The following MDN1 variants were observed in gnomAD, a reference collection of about 807,000 sequenced individuals.
MDN1 encodes the protein midasin AAA ATPase 1.
MDN1 carries 266 observed loss-of-function variants against 669.2 expected under a neutral mutation model. The observed-to-expected ratio is 0.40, with a 90% CI of 0.36 to 0.44. The LOEUF (loss-of-function observed/expected upper bound fraction) is 0.44. MDN1 is among the 20% of genes least tolerant of loss of function. MDN1 has a pLI of 1.00. For missense variants in MDN1, 5,940 were observed against 6,754.0 expected (o/e 0.88, Z 4.22); for synonymous variants, 2,385 against 2,457.1 (o/e 0.97, Z 0.87).
Position 89,718,552 on chromosome 6 carries a change from G to A in MDN1, c.6397C>T (p.Leu2133Phe). The change falls in exon 43 of 102, where the codon CTC (leucine) becomes TTC (phenylalanine). Residue 2133 changes from leucine (L) to phenylalanine (F), a missense_variant. Leu to Phe is a conservative substitution (Grantham distance 22, BLOSUM62 0). Around this residue, in one of 5 missense-constraint regions of MDN1, gnomAD observed 2,292 missense variants for 2,638.3 expected, o/e 0.87. Coordinates refer to ENST00000369393, the MANE Select transcript of MDN1 (RefSeq NM_014611.3). Reference sequence around the variant, plus strand: ...TCTGCATCATCAGCACTGATAAGGAGGCTATCCCTTAACAGTGCCCTTACA... The same window carrying A: ...TCTGCATCATCAGCACTGATAAGGAAGCTATCCCTTAACAGTGCCCTTACA... ...GTVRALLRDSLLISADDAEVV... is the reference protein window; with the variant it reads ...GTVRALLRDSFLISADDAEVV... 1.2e-6 allele frequency: 2 copies of A among 1,614,144 alleles called. No individual in the cohort carries two copies. The highest frequency in any genetic ancestry group is 8.5e-7 in the Non-Finnish European group (1 of 1,180,014).
At chr6:89,795,506 A>C (rs1380402825) in intron 2 of MDN1, among the ~76,000 whole-genome samples, 1 of 152,092 alleles carries the variant, frequency 6.6e-6, no homozygotes, top group African/African-American at 2.4e-5. Flanking sequence ...AAGCTGGAAG[A>C]TCATTTGCCA....
At chr6:89,667,469 C>A (rs1810337396) in intron 84 of MDN1, among the ~76,000 whole-genome samples, 1 of 152,120 alleles carries the variant, frequency 6.6e-6, no homozygotes, top group Admixed American at 6.5e-5. Context: ...ATAAGTGATA[C>A]ACCCAATACA....
At chr6:89,651,324 C>CAAAAAA (rs57142164) in intron 95 of MDN1, among the ~76,000 whole-genome samples, 14 of 94,622 alleles carry the variant, frequency 1.5e-4, no homozygotes, top group Non-Finnish European at 1.8e-4. Flanking sequence ...GATTCCGTCT[C>CAAAAAA]AAAAAAAAAA....
intron 31 of MDN1, among the ~76,000 whole-genome samples, chr6:89,741,785 A>G (rs1385795734): frequency 1.3e-5 from 2 of 152,116 alleles, no homozygotes; most frequent in African/African-American, 4.8e-5. Context: ...TCCCAACAGC[A>G]TTCCCCATTC....
At position 89,692,524 on chromosome 6, in the gene MDN1, A is replaced by T; in HGVS notation, c.10506T>A (p.Ala3502=). The change falls in exon 63 of 102, where the codon GCT becomes GCA. Residue 3502 remains alanine (A), a synonymous_variant. Transcript: ENST00000369393. ...CPTREQLLMN[A]LLYLRSHVLC... ...ACACGTGGGAGCGCAGGTAAAGGAG[A>T]GCATTCATCAGCAGCTGCTCCCGAG... The T allele has an allele frequency of 6.2e-7, 1 of 1,614,178 alleles. No individual in the cohort carries two copies. The highest frequency in any genetic ancestry group is 8.5e-7 in the Non-Finnish European group (1 of 1,180,032).
intron 8 of MDN1, 70 bp from the exon 9 acceptor site, chr6:89,785,196 A>G (rs1818894079): frequency 2.0e-6 from 2 of 1,014,326 alleles, no homozygotes; most frequent in Non-Finnish European, 1.6e-6. Context: ...GCCTCTGGAT[A>G]TTACTTGCTG....
chr6:89,744,321 C>T (rs944050472), intron 29 of MDN1, among the ~76,000 whole-genome samples: 2 of 152,152 alleles, frequency 1.3e-5, no homozygotes, highest in Non-Finnish European at 2.9e-5. Flanking sequence ...TGGCTCATGC[C>T]TGTAATCCCA....
intron 13 of MDN1, among the ~76,000 whole-genome samples, chr6:89,774,369 A>G (rs1001263629): frequency 1.3e-5 from 2 of 152,222 alleles, no homozygotes; most frequent in African/African-American, 2.4e-5. Context: ...CACTAAATAC[A>G]CTGCAGTGAA....
At position 89,680,702 on chromosome 6, in the gene MDN1, C is replaced by T; in HGVS notation, c.12152G>A (p.Gly4051Glu). Residue 4051 changes from glycine (G) to glutamate (E), a missense_variant, in exon 74 of 102, where the codon GGG becomes GAG. Coordinates refer to ENST00000369393, the MANE Select transcript of MDN1 (RefSeq NM_014611.3). ...CQGAAPSGLEGELLRRLPKLR... is the reference protein window; with the variant it reads ...CQGAAPSGLEEELLRRLPKLR... ...CTTTGGCAAGCGACGCAGAAGCTCC[C>T]CTTCCAAGCCGGAAGGAGCAGCGCC... 4.3e-6 allele frequency: 7 copies of T among 1,614,128 alleles called. No homozygotes were observed. Among genetic ancestry groups the T allele is most frequent in the Non-Finnish European group, 5.9e-6 (7 of 1,180,032 alleles).
intron 84 of MDN1, 138 bp from the exon 85 acceptor site, chr6:89,664,766 A>C (rs890448212): frequency 1.4e-5 from 9 of 637,756 alleles, no homozygotes; most frequent in African/African-American, 1.1e-4. Flanking sequence ...AGAGACAGCC[A>C]CATGGAATTT....
At chr6:89,768,321 TA>T (rs1458622553) in intron 15 of MDN1, among the ~76,000 whole-genome samples, 1 of 152,080 alleles carries the variant, frequency 6.6e-6, no homozygotes, top group Non-Finnish European at 1.5e-5. Flanking sequence ...TGATAGTGAA[TA>T]AGTCTCATGA....
intron 1 of MDN1, among the ~76,000 whole-genome samples, chr6:89,809,922 T>C (rs1011049398): frequency 6.7e-5 from 9 of 133,712 alleles, no homozygotes; most frequent in Non-Finnish European, 1.2e-4. Flanking sequence ...GCCTGGAAGG[T>C]AGAGGCTGCA....
chr6:89,807,822 G>A (rs1005764636), intron 1 of MDN1, among the ~76,000 whole-genome samples: 3 of 151,964 alleles, frequency 2.0e-5, no homozygotes, highest in African/African-American at 2.4e-5. Context: ...TTCAATGTTC[G>A]TTTCTTGTGA....
rs575892294 is a variant in MDN1, at chr6:89,658,993, T to C, written c.14714-76A>G. The C allele has an allele frequency of 2.8e-5, 39 of 1,387,950 alleles. 1 individual carries two copies. The South Asian group carries it at 4.1e-4, about 14-fold the overall frequency. 86.0% of individuals were successfully genotyped at this position (1,387,950 alleles called of 1,614,324 possible). Reference sequence around the variant, plus strand: ...GATTTCTTAAGCTGGGAGCTACTTATGCAAGTTTTGTCTTATTACAATTCT... The same window carrying C: ...GATTTCTTAAGCTGGGAGCTACTTACGCAAGTTTTGTCTTATTACAATTCT... On this transcript the variant is annotated intron_variant, in intron 88 of 101. Transcript: ENST00000369393.
intron 15 of MDN1, among the ~76,000 whole-genome samples, chr6:89,769,731 G>A (rs1817986969): frequency 6.6e-6 from 1 of 152,154 alleles, no homozygotes; most frequent in South Asian, 2.1e-4. Context: ...CATACTTTGA[G>A]TCCAACCTTT....
rs781003638 is a variant in MDN1, at chr6:89,662,148, T to C, written c.14504A>G (p.Glu4835Gly). 6.8e-6 allele frequency: 11 copies of C among 1,614,078 alleles called. No homozygotes were observed. In the South Asian group the frequency reaches 9.9e-5, roughly 15 times the overall value. ...TCCACCATCATCAGCTTCTGCTTCT[T>C]CCTTTTCTTCCTTCTTATCTTGCTG... ...KSQQDKKEEK[E>G]EAEADDGGQG... The change falls in exon 87 of 102, where the codon GAA becomes GGA. Residue 4835 changes from glutamate to glycine, a missense_variant. Glu to Gly is a moderately conservative substitution (Grantham distance 98, BLOSUM62 -2). This residue lies in a region of MDN1 where 2,280 missense variants were observed against 2,576.3 expected (regional missense o/e 0.88). Coordinates refer to ENST00000369393, the MANE Select transcript of MDN1 (RefSeq NM_014611.3).
rs1808304377 is a variant in MDN1 at position 89,643,769 on chromosome 6, G to A, written c.*236C>T. On this transcript the variant is annotated 3_prime_UTR_variant, in exon 102 of 102. Coordinates refer to ENST00000369393, the MANE Select transcript of MDN1 (RefSeq NM_014611.3). ...CCAGGGCTTCCAAGGCAGGGAAGAA[G>A]GATAACTCTTCTCTAGTTACGAGTT... The A allele has an allele frequency of 2.5e-6, 1 of 396,648 alleles. No homozygotes were observed. Among genetic ancestry groups the A allele is most frequent in the African/African-American group, 2.1e-5 (1 of 48,616 alleles). 24.6% of individuals were successfully genotyped at this position (396,648 alleles called of 1,614,324 possible). A position where few individuals can be genotyped will look rare whatever the true frequency, so the allele number is the denominator to read the frequency against.
At chr6:89,741,693 A>C (rs1203816546) in intron 31 of MDN1, among the ~76,000 whole-genome samples, 1 of 152,202 alleles carries the variant, frequency 6.6e-6, no homozygotes. Flanking sequence ...ACCCATACCA[A>C]GAAGTGGCTC....
rs76489362 is a variant in MDN1, at chr6:89,790,398, C to T, written c.859G>A (p.Gly287Ser). Residue 287 changes from glycine to serine, a missense_variant, in exon 6 of 102, where the codon GGT (glycine) becomes AGT (serine). Physicochemically the swap from Gly to Ser is moderately conservative, Grantham distance 56 (BLOSUM62 0). This residue lies in a region of MDN1 where 1,203 missense variants were observed against 1,268.9 expected (regional missense o/e 0.95). Transcript: ENST00000369393. ...TGTTCACGTGAAGAACTCCTATTAC[C>T]ACCCTAAAGAGGCAAGACAAAAGCC... ...GQLPAPGELGGNRSSSREQEL... is the reference protein window; with the variant it reads ...GQLPAPGELGSNRSSSREQEL... 3,903 of 1,613,606 alleles carry T rather than the reference C, an allele frequency of 2.4e-3. 75 individuals are homozygous for T. In the African/African-American group the frequency reaches 0.044, roughly 18 times the overall value.
Sources: allele counts gnomAD v4.1 joint callset (sites outside exome capture counted in the v4.1 genomes callset), GRCh38; gene constraint gnomAD v4.1.1; regional missense constraint gnomAD v4.1.1; transcripts MANE v1.5; gene names NCBI Gene and HGNC (gene_info 2026-07-23, HGNC 2026-07-21).